The following VSTM2A variants were observed in gnomAD, a reference collection of about 807,000 sequenced individuals.
The protein encoded by VSTM2A is V-set and transmembrane domain-containing protein 2A.
A neutral mutation model predicts 27.3 loss-of-function variants in VSTM2A; 13 were observed. The observed-to-expected ratio is 0.48, with a 90% CI of 0.31 to 0.76. VSTM2A has a LOEUF of 0.76. Ranked by LOEUF, VSTM2A falls within the 30% of genes least tolerant of loss-of-function variation. The probability of loss-of-function intolerance (pLI) is 0.05; values close to 1 mark genes in which losing one functional copy is unlikely to be tolerated. For synonymous variants in VSTM2A, 142 were observed against 125.7 expected, an observed-to-expected ratio of 1.13 and a Z score of -0.87; for missense variants, 280 against 310.0, an observed-to-expected ratio of 0.90 and a Z score of 0.73.
At chr7:54,551,409 C>T (rs1788187935) in intron 4 of VSTM2A, 2 of 151,416 alleles carry the variant, frequency 1.3e-5, no homozygotes, top group African/African-American at 2.4e-5. Context: ...TTTGCCCTGC[C>T]TTATAATGTA....
chr7:54,564,926 T>A (rs560132182), intron 4 of VSTM2A, among the ~76,000 whole-genome samples: 132 of 152,360 alleles, frequency 8.7e-4, no homozygotes, highest in African/African-American at 2.9e-3. Context: ...ATTTTATTAA[T>A]GCGTTGAAAA....
At chr7:54,550,276 G>A (rs950553629) in intron 4 of VSTM2A, 106 bp downstream of exon 4, 62 of 1,513,814 alleles carry the variant, frequency 4.1e-5, no homozygotes, top group Middle Eastern at 1.7e-4. Context: ...TTTTAAAATC[G>A]GAGACCTAGT....
At position 54,553,867 on chromosome 7, in the gene VSTM2A, T is replaced by C. The variant is rs1170992053; in HGVS notation, c.634+3697T>C. 5 of 1,551,084 alleles carry C rather than the reference T, an allele frequency of 3.2e-6. No homozygotes were observed. In the East Asian group the frequency reaches 9.8e-5, roughly 30 times the overall value. ...ACTTGTTTCTTCCTGTCTCATCCAG[T>C]GTCTCCAATCCTTCCAGAAGTCAAA... On this transcript the variant is annotated intron_variant, in intron 4 of 4. Coordinates refer to ENST00000402613, the MANE Select transcript of VSTM2A (RefSeq NM_001301009.2).
At chr7:54,544,294 ACTCT>A (rs529390676) in intron 1 of VSTM2A, among the ~76,000 whole-genome samples, 108 of 152,242 alleles carry the variant, frequency 7.1e-4, no homozygotes, top group African/African-American at 2.6e-3. Flanking sequence ...TATCTCACTG[ACTCT>A]CTCAGTAAAT....
intron 4 of VSTM2A, among the ~76,000 whole-genome samples, chr7:54,553,677 A>G (rs1788257816): frequency 6.6e-6 from 1 of 152,114 alleles, no homozygotes; most frequent in African/African-American, 2.4e-5. Flanking sequence ...AAATATGGAG[A>G]AGAAAGACCT....
chr7:54,556,245 C>T (rs1219907770), intron 4 of VSTM2A, among the ~76,000 whole-genome samples: 2 of 152,072 alleles, frequency 1.3e-5, no homozygotes, highest in Non-Finnish European at 2.9e-5. Flanking sequence ...CTTGTGTCTC[C>T]GTGTGTGGAG....
Position 54,569,156 on chromosome 7 carries a change from T to C in VSTM2A, c.660T>C (p.Ser220=), listed in dbSNP as rs1788815038. 4 of 1,554,086 alleles carry C rather than the reference T, an allele frequency of 2.6e-6. No homozygotes were observed. The highest frequency in any genetic ancestry group is 2.0e-5 in the Admixed American group (1 of 51,138). ...QSAKSKSPVK[S]TERTAKLTLN... is the part of the protein sequence containing the mutation. ...CAAAGAGCAAATCGCCTGTAAAATC[T>C]ACGGAGCGGACAGCAAAGTTGACCC... Residue 220 remains serine, a synonymous_variant, in exon 5 of 5, where the codon TCT becomes TCC. Transcript: ENST00000402613.
At chr7:54,559,242 C>G (rs1788473123) in intron 4 of VSTM2A, 1 of 151,700 alleles carries the variant, frequency 6.6e-6, no homozygotes. Context: ...AATATATAAT[C>G]TTTTTTTTAC....
rs558792901 is a variant in VSTM2A, at chr7:54,549,711, T to A, written c.298-123T>A. On this transcript the variant is annotated intron_variant, in intron 3 of 4. Coordinates refer to ENST00000402613, the MANE Select transcript of VSTM2A (RefSeq NM_001301009.2). The stretch of plus-strand genomic sequence containing the variant: ...GACGTTAAGGAAATAAAAAGCTCCT[T>A]CACTATGGCTATGGGGCCATTAAGA... 1.3e-5 allele frequency: 12 copies of A among 894,986 alleles called. No homozygotes were observed. The East Asian group carries it at 3.2e-4, about 24-fold the overall frequency. 55.4% of individuals were successfully genotyped at this position (894,986 alleles called of 1,614,324 possible).
At chr7:54,561,964 AC>A (rs1788576252) in intron 4 of VSTM2A, among the ~76,000 whole-genome samples, 1 of 151,952 alleles carries the variant, frequency 6.6e-6, no homozygotes, top group African/African-American at 2.4e-5. Context: ...TCACTCTGTC[AC>A]CCAGGCTGGA....
chr7:54,550,415 T>A, intron 4 of VSTM2A: 1 of 1,100,594 alleles, frequency 9.1e-7, no homozygotes, highest in Non-Finnish European at 1.2e-6. Context: ...AGCTGGACTC[T>A]GGTTTTTATC....
chr7:54,546,884 C>T (rs907718394), intron 2 of VSTM2A, 63 bp from the exon 3 acceptor site: 28 of 1,589,396 alleles, frequency 1.8e-5, no homozygotes, highest in Middle Eastern at 1.7e-4. Context: ...AGGCTATGCT[C>T]GCGTGGGAGC....
At chr7:54,546,558 C>CCCCCGCCCGCCCG (rs1220576406) in intron 2 of VSTM2A, 1 of 136,302 alleles carries the variant, frequency 7.3e-6, no homozygotes, top group African/African-American at 3.4e-5. Context: ...CCTGGCGCCC[C>CCCCCGCCCGCCCG]CCCGCCTGCC....
chr7:54,561,711 A>G (rs1311601761), intron 4 of VSTM2A, among the ~76,000 whole-genome samples: 2 of 152,206 alleles, frequency 1.3e-5, no homozygotes, highest in Non-Finnish European at 2.9e-5. Flanking sequence ...AACTTGAAAT[A>G]GCTAAATTAA....
intron 4 of VSTM2A, chr7:54,550,824 A>T (rs538893186): frequency 6.5e-6 from 1 of 152,944 alleles, no homozygotes; most frequent in Admixed American, 6.5e-5. Flanking sequence ...AATGGCATTA[A>T]TGTATGCAGT....
chr7:54,569,426 C>A lies in VSTM2A; in HGVS notation c.*207C>A. ...ATCTCACTGACTGCTCAAGGGTTGG[C>A]CTGAATGTCATCAGGATAGGGAATA... On this transcript the variant is annotated 3_prime_UTR_variant, in exon 5 of 5. Coordinates refer to ENST00000402613, the MANE Select transcript of VSTM2A (RefSeq NM_001301009.2). 1 of 842,002 alleles carries A rather than the reference C, an allele frequency of 1.2e-6. No individual in the cohort carries two copies. Among genetic ancestry groups the A allele is most frequent in the African/African-American group, 1.7e-5 (1 of 58,324 alleles). The allele number at this position is 842,002 out of a possible 1,614,324, so 52.2% of individuals were successfully genotyped here. A position where few individuals can be genotyped will look rare whatever the true frequency, so the allele number is the denominator to read the frequency against.
In VSTM2A at chr7:54,550,052, C is replaced by T. The variant is rs1788134387; in HGVS notation, c.516C>T (p.Pro172=). ...CCATGTGGCTGCAGGATATGAAGCC[C>T]CGCAAGAACGTCTCCGCAGCCATCC... ...ASPMWLQDMK[P]RKNVSAAIPS... Residue 172 remains proline (P), a synonymous_variant, in exon 4 of 5, where the codon CCC becomes CCT. Coordinates refer to ENST00000402613, the MANE Select transcript of VSTM2A (RefSeq NM_001301009.2). The T allele has an allele frequency of 1.2e-6, 2 of 1,609,770 alleles. No individual in the cohort carries two copies. The highest frequency in any genetic ancestry group is 1.3e-5 in the African/African-American group (1 of 74,906).
chr7:54,569,208 A>T lies in VSTM2A; in HGVS notation c.712A>T (p.Thr238Ser), dbSNP rs922728414. Residue 238 changes from threonine (T) to serine (S), a missense_variant, in exon 5 of 5, where the codon ACT (threonine) becomes TCT (serine). By Grantham distance (58) the Thr-to-Ser change is moderately conservative (BLOSUM62 1). Coordinates refer to ENST00000402613, the MANE Select transcript of VSTM2A (RefSeq NM_001301009.2). ...TLNSKHHPAP[T>S]VL Reference sequence around the variant, plus strand: ...AAACTCCAAGCACCACCCTGCACCCACTGTACTCTAATTCACTACACAAGG... The same window carrying T: ...AAACTCCAAGCACCACCCTGCACCCTCTGTACTCTAATTCACTACACAAGG... 1.3e-6 allele frequency: 2 copies of T among 1,551,638 alleles called. No homozygotes were observed. The highest frequency in any genetic ancestry group is 1.4e-5 in the African/African-American group (1 of 73,154).
chr7:54,548,178 C>T (rs67488195), intron 3 of VSTM2A, among the ~76,000 whole-genome samples: 25,349 of 152,076 alleles, frequency 0.17, 2,256 homozygotes, highest in Non-Finnish European at 0.19. Flanking sequence ...ACCCGTCCCC[C>T]TATCATCTAA....
Sources: allele counts gnomAD v4.1 joint callset (sites outside exome capture counted in the v4.1 genomes callset), GRCh38; gene constraint gnomAD v4.1.1; transcripts MANE v1.5; gene names NCBI Gene and HGNC (gene_info 2026-07-23, HGNC 2026-07-21).